LSAMP: variants seen among roughly 807,000 people sequenced by gnomAD.
LSAMP encodes the protein limbic system-associated membrane protein.
LSAMP carries 7 observed loss-of-function variants against 38.6 expected under a neutral mutation model. The ratio of observed to expected loss-of-function variants is 0.18; its 90% confidence interval spans 0.10 to 0.34. LSAMP has a LOEUF of 0.34. Among genes scored for constraint, LSAMP ranks in the 10% least tolerant of loss-of-function variants. The pLI is 1.00. For missense variants in LSAMP, 313 were observed against 420.0 expected, an observed-to-expected ratio of 0.75 and a Z score of 2.23; for synonymous variants, 154 against 166.8, an observed-to-expected ratio of 0.92 and a Z score of 0.59.
intron 1 of LSAMP, among the ~76,000 whole-genome samples, chr3:116,429,918 T>G (rs1363504598): frequency 6.6e-6 from 1 of 152,174 alleles, no homozygotes; most frequent in African/African-American, 2.4e-5. Context: ...AATTTCCTAA[T>G]TCAGATGGTA....
At chr3:116,199,441 T>C (rs1168053472) in intron 1 of LSAMP, among the ~76,000 whole-genome samples, 1 of 152,192 alleles carries the variant, frequency 6.6e-6, no homozygotes, top group Non-Finnish European at 1.5e-5. Flanking sequence ...TGCTTTTATT[T>C]TATCCCCGCT....
intron 1 of LSAMP, among the ~76,000 whole-genome samples, chr3:116,111,069 G>T (rs1284167823): frequency 6.6e-6 from 1 of 152,156 alleles, no homozygotes; most frequent in East Asian, 1.9e-4. Flanking sequence ...CTCAGTTAAG[G>T]TGGGGCAGGA....
Position 116,016,014 on chromosome 3 carries a change from ATT to A in LSAMP, c.514+3499_514+3500del, listed in dbSNP as rs34723861. On this transcript the variant is annotated intron_variant, in intron 3 of 6. Transcript: ENST00000490035. ...AATTAATAATTGAACAAAGCTAACC[ATT>A]TTTTTTTTTCCTTTCACATGGCCAC... Among the ~76,000 whole-genome samples, 84 of 148,970 alleles carry A rather than the reference ATT, an allele frequency of 5.6e-4. 1 individual carries two copies. Among genetic ancestry groups the A allele is most frequent in the African/African-American group, 1.9e-3 (77 of 40,892 alleles).
intron 1 of LSAMP, among the ~76,000 whole-genome samples, chr3:116,275,781 AC>A (rs2047043336): frequency 6.6e-6 from 1 of 151,776 alleles, no homozygotes; most frequent in Non-Finnish European, 1.5e-5. Context: ...TCTAATTCCT[AC>A]TTCTCTTCTC....
At chr3:115,962,536 CTA>C (rs1938663168) in intron 3 of LSAMP, among the ~76,000 whole-genome samples, 1 of 152,164 alleles carries the variant, frequency 6.6e-6, no homozygotes, top group Non-Finnish European at 1.5e-5. Context: ...ATCTCACTAT[CTA>C]TTTGCAAAAC....
Position 116,111,884 on chromosome 3 carries a change from G to T in LSAMP, c.156-25328C>A, listed in dbSNP as rs552212794. 3.9e-5 allele frequency among the ~76,000 whole-genome samples: 6 copies of T among 152,286 alleles called. No individual in the cohort carries two copies. The South Asian group carries it at 1.2e-3, about 32-fold the overall frequency. ...TAATAGATGTTGGAACAAAATCAAG[G>T]GGACCCTAGCCACAAGGTGGAGGCA... On this transcript the variant is annotated intron_variant, in intron 1 of 6. Transcript: ENST00000490035.
At chr3:116,150,877 AT>A (rs1180515212) in intron 1 of LSAMP, among the ~76,000 whole-genome samples, 1 of 144,316 alleles carries the variant, frequency 6.9e-6, no homozygotes, top group Non-Finnish European at 1.5e-5. Flanking sequence ...AAAAATCTAA[AT>A]TGCTAAATAT....
chr3:116,016,680 G>A (rs1178300627), intron 3 of LSAMP, among the ~76,000 whole-genome samples: 1 of 152,148 alleles, frequency 6.6e-6, no homozygotes, highest in African/African-American at 2.4e-5. Context: ...TAGAACAAAA[G>A]CAACCATAGA....
At chr3:116,184,836 A>T (rs138064716) in intron 1 of LSAMP, among the ~76,000 whole-genome samples, 3 of 151,550 alleles carry the variant, frequency 2.0e-5, no homozygotes, top group Non-Finnish European at 4.4e-5. Context: ...TCTCTTTCTC[A>T]AAGATTTTAT....
intron 6 of LSAMP, among the ~76,000 whole-genome samples, chr3:115,821,062 C>T (rs1934219951): frequency 6.6e-6 from 1 of 152,062 alleles, no homozygotes; most frequent in African/African-American, 2.4e-5. Flanking sequence ...TTCTTCTTAC[C>T]CTTTACTATG....
At chr3:116,289,669 C>T (rs1469749213) in intron 1 of LSAMP, among the ~76,000 whole-genome samples, 1 of 151,996 alleles carries the variant, frequency 6.6e-6, no homozygotes, top group Non-Finnish European at 1.5e-5. Context: ...GTGGTAAGAT[C>T]CTATAAGTGA....
intron 3 of LSAMP, among the ~76,000 whole-genome samples, chr3:115,919,214 A>G (rs1937327015): frequency 6.6e-6 from 1 of 152,222 alleles, no homozygotes; most frequent in African/African-American, 2.4e-5. Flanking sequence ...AAATTAAATG[A>G]CAACATGATC....
At chr3:116,135,435 C>A (rs541998733) in intron 1 of LSAMP, among the ~76,000 whole-genome samples, 1 of 152,142 alleles carries the variant, frequency 6.6e-6, no homozygotes, top group Admixed American at 6.6e-5. Context: ...GAATTTGAAC[C>A]CAGTTTTGTC....
At chr3:116,297,957 T>G (rs548312585) in intron 1 of LSAMP, among the ~76,000 whole-genome samples, 10 of 152,206 alleles carry the variant, frequency 6.6e-5, no homozygotes, top group Non-Finnish European at 1.5e-4. Flanking sequence ...TCTGTAGTCA[T>G]ACCAGCTTTC....
Position 115,983,970 on chromosome 3 carries a change from A to C in LSAMP, c.514+35545T>G, listed in dbSNP as rs996647476. Among the ~76,000 whole-genome samples, 5 of 152,204 alleles carry C rather than the reference A, an allele frequency of 3.3e-5. No homozygotes were observed. The South Asian group carries it at 8.3e-4, about 25-fold the overall frequency. Reference sequence around the variant, plus strand: ...TGCAAATTTGTGCTATAGAACAATAATTTGACAGCACTATGGGAAATAAAC... The same window carrying C: ...TGCAAATTTGTGCTATAGAACAATACTTTGACAGCACTATGGGAAATAAAC... On this transcript the variant is annotated intron_variant, in intron 3 of 6. Coordinates refer to ENST00000490035, the MANE Select transcript of LSAMP (RefSeq NM_002338.5).
chr3:115,920,506 C>T (rs1023018218), intron 3 of LSAMP, among the ~76,000 whole-genome samples: 1 of 152,120 alleles, frequency 6.6e-6, no homozygotes, highest in Non-Finnish European at 1.5e-5. Flanking sequence ...TGTATGTCTT[C>T]TTCAGAGAAA....
chr3:116,132,813 C>T (rs1158270496), intron 1 of LSAMP, among the ~76,000 whole-genome samples: 1 of 152,004 alleles, frequency 6.6e-6, no homozygotes, highest in Non-Finnish European at 1.5e-5. Context: ...TTATGTTGGC[C>T]CTGGAATACA....
intron 1 of LSAMP, among the ~76,000 whole-genome samples, chr3:116,214,008 T>C (rs930511920): frequency 2.0e-5 from 3 of 152,204 alleles, no homozygotes; most frequent in Non-Finnish European, 4.4e-5. Context: ...TAGTGAAGGA[T>C]AATGTATTGT....
At chr3:116,158,112 C>G (rs1228165737) in intron 1 of LSAMP, among the ~76,000 whole-genome samples, 1 of 152,106 alleles carries the variant, frequency 6.6e-6, no homozygotes, top group South Asian at 2.1e-4. Flanking sequence ...AAAAAGAGAT[C>G]ATCTTAATAG....
Sources: allele counts gnomAD v4.1 joint callset (sites outside exome capture counted in the v4.1 genomes callset), GRCh38; gene constraint gnomAD v4.1.1; transcripts MANE v1.5; gene names NCBI Gene and HGNC (gene_info 2026-07-23, HGNC 2026-07-21).